Variants in SMYD3 observed in about 807,000 individuals in gnomAD.
SMYD3 encodes the protein histone-lysine N-methyltransferase SMYD3.
Under a neutral mutation model 57.7 loss-of-function variants are expected in SMYD3, and 36 were observed. That is an observed-to-expected ratio of 0.62 (90% confidence interval 0.48 to 0.82). The LOEUF (loss-of-function observed/expected upper bound fraction) is 0.82. Among genes scored for constraint, SMYD3 ranks in the 40% least tolerant of loss-of-function variants. The pLI is 0.00. For synonymous variants in SMYD3, 211 were observed against 195.0 expected, an observed-to-expected ratio of 1.08 and a Z score of -0.68; for missense variants, 515 against 538.8, an observed-to-expected ratio of 0.96 and a Z score of 0.44.
At position 246,320,341 on chromosome 1, in the gene SMYD3, C is replaced by T. The variant is rs557217038; in HGVS notation, c.531+6860G>A. Among the ~76,000 whole-genome samples, 10 of 152,138 alleles carry T rather than the reference C, an allele frequency of 6.6e-5. No homozygotes were observed. In the East Asian group the frequency reaches 1.7e-3, roughly 26 times the overall value. On this transcript the variant is annotated intron_variant, in intron 5 of 11. Transcript: ENST00000490107. ...AAAAGCAAGCTCCGGAGGTCACATACGTGCCCTAAAGAACAAAAATAACAT... is the reference window on the plus strand; with the variant it reads ...AAAAGCAAGCTCCGGAGGTCACATATGTGCCCTAAAGAACAAAAATAACAT...
intron 5 of SMYD3, among the ~76,000 whole-genome samples, chr1:246,211,451 C>T (rs993799904): frequency 6.6e-6 from 1 of 151,934 alleles, no homozygotes; most frequent in Non-Finnish European, 1.5e-5. Flanking sequence ...TCTTATTAAC[C>T]AATAACAACA....
intron 5 of SMYD3, among the ~76,000 whole-genome samples, chr1:246,165,717 C>T (rs1486164911): frequency 1.3e-5 from 2 of 151,776 alleles, no homozygotes; most frequent in African/African-American, 4.9e-5. Flanking sequence ...GAATAAAGGT[C>T]GGGGAGTGGA....
At chr1:246,487,637 C>T (rs1222648141) in intron 1 of SMYD3, among the ~76,000 whole-genome samples, 2 of 151,130 alleles carry the variant, frequency 1.3e-5, no homozygotes, top group South Asian at 4.2e-4. Context: ...TAGTTACAAG[C>T]AATTTCACCC....
chr1:246,024,255 C>T (rs1365837480), intron 5 of SMYD3, among the ~76,000 whole-genome samples: 1 of 152,216 alleles, frequency 6.6e-6, no homozygotes, highest in Non-Finnish European at 1.5e-5. Context: ...AAAGAGGAAC[C>T]TCATTCTGCC....
chr1:246,290,302 T>C (rs907269769), intron 5 of SMYD3, among the ~76,000 whole-genome samples: 4 of 152,230 alleles, frequency 2.6e-5, no homozygotes, highest in African/African-American at 9.6e-5. Context: ...CTTGAAATTT[T>C]AAAAGCTTCT....
At chr1:245,942,255 G>A (rs1384283775) in intron 5 of SMYD3, among the ~76,000 whole-genome samples, 3 of 152,070 alleles carry the variant, frequency 2.0e-5, no homozygotes, top group Non-Finnish European at 4.4e-5. Flanking sequence ...AAAGACACAC[G>A]CAGGCTCAAA....
intron 5 of SMYD3, chr1:246,186,917 T>A (rs1037637491): frequency 7.1e-6 from 7 of 985,168 alleles, no homozygotes; most frequent in Non-Finnish European, 7.2e-6. Flanking sequence ...ATGCAAGAGG[T>A]CTCACGGAAC....
At chr1:246,226,581 C>T (rs80086326) in intron 5 of SMYD3, among the ~76,000 whole-genome samples, 2,062 of 152,312 alleles carry the variant, frequency 0.014, 44 homozygotes, top group African/African-American at 0.046. Context: ...GCAGCGTCTG[C>T]CACCATTTGT....
chr1:246,359,855 C>G (rs1572417992), intron 1 of SMYD3, among the ~76,000 whole-genome samples: 2 of 152,212 alleles, frequency 1.3e-5, no homozygotes, highest in African/African-American at 4.8e-5. Context: ...GCCAACATTA[C>G]ACTGAACAGG....
At chr1:246,206,333 G>A (rs919178935) in intron 5 of SMYD3, among the ~76,000 whole-genome samples, 4 of 152,076 alleles carry the variant, frequency 2.6e-5, no homozygotes, top group Non-Finnish European at 5.9e-5. Flanking sequence ...GAACACTTCT[G>A]AAAAGAATGT....
chr1:246,420,933 T>C (rs911034722), intron 1 of SMYD3, among the ~76,000 whole-genome samples: 1 of 152,198 alleles, frequency 6.6e-6, no homozygotes, highest in African/African-American at 2.4e-5. Flanking sequence ...ATAAGACAGA[T>C]CTTTCTAGGC....
At chr1:246,464,884 G>A (rs142578645) in intron 1 of SMYD3, among the ~76,000 whole-genome samples, 1,644 of 152,268 alleles carry the variant, frequency 0.011, 38 homozygotes, top group African/African-American at 0.036. Context: ...AGAAAGAAGA[G>A]GGTTTTGTCA....
intron 5 of SMYD3, among the ~76,000 whole-genome samples, chr1:246,089,389 G>A (rs1413254858): frequency 6.6e-6 from 1 of 152,116 alleles, no homozygotes; most frequent in Non-Finnish European, 1.5e-5. Context: ...ATGTCCATGA[G>A]TAGCACTTCA....
intron 7 of SMYD3, among the ~76,000 whole-genome samples, chr1:245,923,911 T>TG (rs918758750): frequency 6.6e-6 from 1 of 152,240 alleles, no homozygotes; most frequent in African/African-American, 2.4e-5. Flanking sequence ...CCAGTAAACA[T>TG]GCAGTGAATT....
chr1:246,222,686 CA>C (rs2148426092), intron 5 of SMYD3, among the ~76,000 whole-genome samples: 1 of 152,200 alleles, frequency 6.6e-6, no homozygotes, highest in Non-Finnish European at 1.5e-5. Flanking sequence ...AAGGTGATTT[CA>C]ATTTAGGGAA....
chr1:245,980,717 A>G (rs1383506506), intron 5 of SMYD3, among the ~76,000 whole-genome samples: 1 of 152,228 alleles, frequency 6.6e-6, no homozygotes, highest in Non-Finnish European at 1.5e-5. Flanking sequence ...TGAGAAATGC[A>G]CTTATTCTCT....
chr1:246,071,513 T>C (rs1407764890), intron 5 of SMYD3, among the ~76,000 whole-genome samples: 1 of 152,204 alleles, frequency 6.6e-6, no homozygotes, highest in Non-Finnish European at 1.5e-5. Context: ...TTACTGAGTA[T>C]GGGAAGAGCC....
intron 5 of SMYD3, among the ~76,000 whole-genome samples, chr1:246,164,275 T>G (rs901104234): frequency 6.6e-6 from 1 of 151,916 alleles, no homozygotes; most frequent in Non-Finnish European, 1.5e-5. Flanking sequence ...ACAAAAAAAT[T>G]AGCTGGGCGT....
intron 3 of SMYD3, among the ~76,000 whole-genome samples, chr1:246,334,514 G>A (rs1408662647): frequency 6.6e-6 from 1 of 152,108 alleles, no homozygotes; most frequent in Non-Finnish European, 1.5e-5. Context: ...CATATTGGGT[G>A]GACATGGACA....
Sources: gnomAD v4.1 joint callset for allele counts (sites outside exome capture counted in the v4.1 genomes callset) on GRCh38, gnomAD v4.1.1 for gene constraint, MANE v1.5 for transcripts, NCBI Gene and HGNC (gene_info 2026-07-23, HGNC 2026-07-21) for gene names.